The following SLC24A2 variants were observed in gnomAD, a reference collection of about 807,000 sequenced individuals.
SLC24A2 encodes the protein solute carrier family 24 member 2, also known as sodium/potassium/calcium exchanger 2.
A neutral mutation model predicts 62.0 loss-of-function variants in SLC24A2; 36 were observed. The ratio of observed to expected loss-of-function variants is 0.58; its 90% CI spans 0.44 to 0.77. The LOEUF is 0.77. Ranked by LOEUF, SLC24A2 falls within the 30% of genes least tolerant of loss-of-function variation. The probability of loss-of-function intolerance (pLI) is 0.00; values close to 1 mark genes in which losing one functional copy is unlikely to be tolerated. For synonymous variants in SLC24A2, 358 were observed against 294.0 expected, an observed-to-expected ratio of 1.22 and a Z score of -2.23; for missense variants, 846 against 817.9, an observed-to-expected ratio of 1.03 and a Z score of -0.42.
At chr9:20,129,240 C>T in the SLC24A2 span, among the ~76,000 whole-genome samples, 139 of 152,074 alleles carry the variant, frequency 9.1e-4, no homozygotes, top group African/African-American at 3.3e-3. Flanking sequence ...AAACTATAAA[C>T]GAGATACTTC....
At chr9:19,828,456 T>A in the SLC24A2 span, among the ~76,000 whole-genome samples, 1 of 152,026 alleles carries the variant, frequency 6.6e-6, no homozygotes, top group Non-Finnish European at 1.5e-5. Context: ...TAATTCAAAA[T>A]AAAAAATTAA....
the SLC24A2 span, among the ~76,000 whole-genome samples, chr9:20,246,801 A>G: frequency 0.19 from 29,220 of 152,136 alleles, 3,036 homozygotes; most frequent in African/African-American, 0.27. Flanking sequence ...CCAGGCCCAG[A>G]TGTAGCCTGA....
the SLC24A2 span, among the ~76,000 whole-genome samples, chr9:20,089,496 G>A: frequency 3.3e-5 from 5 of 152,026 alleles, no homozygotes; most frequent in African/African-American, 1.2e-4. Context: ...GGCACCTCCA[G>A]CACACCATAG....
chr9:20,174,520 C>G, the SLC24A2 span, among the ~76,000 whole-genome samples: 1 of 151,274 alleles, frequency 6.6e-6, no homozygotes, highest in Non-Finnish European at 1.5e-5. Flanking sequence ...AAAAAAAAAT[C>G]CCATCAAAAA....
the SLC24A2 span, among the ~76,000 whole-genome samples, chr9:19,898,262 C>G: frequency 1.3e-5 from 2 of 152,200 alleles, no homozygotes; most frequent in African/African-American, 2.4e-5. Flanking sequence ...CCCCACAGCT[C>G]TGCAGCCAGG....
the SLC24A2 span, among the ~76,000 whole-genome samples, chr9:20,209,852 C>G: frequency 9.2e-5 from 14 of 152,154 alleles, no homozygotes; most frequent in African/African-American, 3.1e-4. Flanking sequence ...ATAAGAAAGA[C>G]TTTCAAAAGT....
chr9:19,534,051 T>G (rs1037734378), intron 8 of SLC24A2, among the ~76,000 whole-genome samples: 17 of 152,336 alleles, frequency 1.1e-4, no homozygotes, highest in Non-Finnish European at 2.4e-4. Context: ...AATCACAGAA[T>G]GTCATGGCTG....
chr9:19,878,155 G>A, the SLC24A2 span, among the ~76,000 whole-genome samples: 2 of 152,106 alleles, frequency 1.3e-5, no homozygotes, highest in Admixed American at 1.3e-4. Flanking sequence ...GCACAAAAAT[G>A]CCCTTATCAG....
At chr9:19,763,768 A>G (rs1324647567) in intron 2 of SLC24A2, among the ~76,000 whole-genome samples, 1 of 152,078 alleles carries the variant, frequency 6.6e-6, no homozygotes, top group East Asian at 1.9e-4. Context: ...TTGGCCTGAA[A>G]TTTTCTTTTT....
chr9:19,946,114 A>G, the SLC24A2 span, among the ~76,000 whole-genome samples: 2 of 152,106 alleles, frequency 1.3e-5, no homozygotes, highest in Non-Finnish European at 2.9e-5. Context: ...CCCCTTTTTA[A>G]CCCTCATTGA....
At chr9:20,207,142 T>C in the SLC24A2 span, among the ~76,000 whole-genome samples, 3 of 152,342 alleles carry the variant, frequency 2.0e-5, no homozygotes, top group South Asian at 4.1e-4. Context: ...CTTTCAACTT[T>C]AGTACCTGAA....
In SLC24A2 at chr9:19,550,257, C is replaced by T; in HGVS notation, c.1359G>A (p.Glu453=). ...CAAGGCTGAGAGGCTGGTCCTCCTC[C>T]TCATCAGCGGTCTGTGGTAGAAAAA... ...IEGAEAQTAD[E]EEDQPLSLAW... Residue 453 remains glutamate, a synonymous_variant, in exon 8 of 11, where the codon GAG becomes GAA. Transcript: ENST00000341998. The T allele has an allele frequency of 6.2e-7, 1 of 1,614,078 alleles. No homozygotes were observed. The highest frequency in any genetic ancestry group is 1.7e-5 in the Admixed American group (1 of 60,014).
intron 7 of SLC24A2, among the ~76,000 whole-genome samples, chr9:19,572,434 G>T (rs1193005861): frequency 1.3e-5 from 2 of 152,040 alleles, no homozygotes; most frequent in South Asian, 2.1e-4. Flanking sequence ...GATTGAATCT[G>T]GGGGGCAGAT....
the SLC24A2 span, among the ~76,000 whole-genome samples, chr9:19,952,771 G>C: frequency 6.6e-6 from 1 of 151,190 alleles, no homozygotes; most frequent in Non-Finnish European, 1.5e-5. Flanking sequence ...TATTAGTTGG[G>C]AAGTATTTTC....
At position 19,531,382 on chromosome 9, in the gene SLC24A2, A is replaced by G. The variant is rs533451551; in HGVS notation, c.1480-3244T>C. On this transcript the variant is annotated intron_variant, in intron 8 of 10. Coordinates refer to ENST00000341998, the MANE Select transcript of SLC24A2 (RefSeq NM_020344.4). ...CTTGGAGCCAAGGTCTAACATGACA[A>G]TTTATGGTTATAGTAATGGGGGTTC... Among the ~76,000 whole-genome samples the G allele has an allele frequency of 2.0e-5, 3 of 152,306 alleles. No homozygotes were observed. In the East Asian group the frequency reaches 5.8e-4, roughly 29 times the overall value.
chr9:20,042,104 C>T, the SLC24A2 span, among the ~76,000 whole-genome samples: 1 of 152,192 alleles, frequency 6.6e-6, no homozygotes, highest in Non-Finnish European at 1.5e-5. Flanking sequence ...GGAGCACTGT[C>T]CCTGGTGGGC....
intron 2 of SLC24A2, among the ~76,000 whole-genome samples, chr9:19,704,721 A>G (rs1820459118): frequency 6.6e-6 from 1 of 151,870 alleles, no homozygotes; most frequent in Admixed American, 6.6e-5. Flanking sequence ...AAAGATAAGA[A>G]TTTTCCACTA....
intron 10 of SLC24A2, among the ~76,000 whole-genome samples, chr9:19,517,009 A>T (rs771872560): frequency 1.3e-4 from 20 of 152,260 alleles, no homozygotes; most frequent in Admixed American, 3.9e-4. Context: ...GGAAGGCAGT[A>T]TCTTACATTT....
intron 2 of SLC24A2, among the ~76,000 whole-genome samples, chr9:19,725,997 G>C (rs910269141): frequency 2.6e-5 from 4 of 152,150 alleles, no homozygotes; most frequent in Non-Finnish European, 4.4e-5. Context: ...TCAGTATACA[G>C]GCTTCTTATT....
Sources: gnomAD v4.1 joint callset for allele counts (sites outside exome capture counted in the v4.1 genomes callset) on GRCh38, gnomAD v4.1.1 for gene constraint, MANE v1.5 for transcripts, NCBI Gene and HGNC (gene_info 2026-07-23, HGNC 2026-07-21) for gene names.